PCDH15: variants seen among roughly 807,000 people sequenced by gnomAD.
PCDH15 encodes protocadherin-15.
PCDH15 carries 129 observed loss-of-function variants against 178.5 expected under a neutral mutation model. The observed-to-expected ratio is 0.72, with a 90% CI of 0.63 to 0.84. The LOEUF (loss-of-function observed/expected upper bound fraction) is 0.84, where lower values mean the gene tolerates loss of function less well. PCDH15 is among the 40% of genes least tolerant of loss of function. The pLI is 0.00. For missense variants in PCDH15, 2,230 were observed against 2,099.9 expected (o/e 1.06, Z -1.21); for synonymous variants, 800 against 732.0 (o/e 1.09, Z -1.50).
At chr10:54,661,914 T>A (rs927283833) in intron 2 of PCDH15, among the ~76,000 whole-genome samples, 1 of 151,862 alleles carries the variant, frequency 6.6e-6, no homozygotes, top group African/African-American at 2.4e-5. Flanking sequence ...CTCGATGAAT[T>A]GAAAATTTAA....
upstream of PCDH15, among the ~76,000 whole-genome samples, chr10:54,802,374 T>G (rs1952689957): frequency 6.6e-6 from 1 of 152,206 alleles, no homozygotes; most frequent in Non-Finnish European, 1.5e-5. Flanking sequence ...AAGCCAAATG[T>G]GTTATACATT....
intron 16 of PCDH15, among the ~76,000 whole-genome samples, chr10:54,085,476 G>C (rs2094500906): frequency 6.6e-6 from 1 of 152,216 alleles, no homozygotes; most frequent in Non-Finnish European, 1.5e-5. Flanking sequence ...ATTTATAAGG[G>C]AAGTTGCCAT....
At chr10:54,929,091 T>C (rs1402640490) in intron 2 of PCDH15, among the ~76,000 whole-genome samples, 1 of 152,212 alleles carries the variant, frequency 6.6e-6, no homozygotes, top group Non-Finnish European at 1.5e-5. Flanking sequence ...TTGCTCACCA[T>C]TGAAAGTTTT....
In PCDH15 at chr10:55,246,975, T is replaced by C. The variant is rs143791224; in HGVS notation, c.-156+72624A>G. Among the ~76,000 whole-genome samples the C allele has an allele frequency of 8.1e-3, 1,232 of 152,266 alleles. 8 individuals carry two copies. Among genetic ancestry groups the C allele is most frequent in the Middle Eastern group, 0.017 (5 of 294 alleles). ...TTTTGCTTGATATGTAGGTCTCTGATCCTCTTTTTCTATGTTGATTAACAT... is the reference window on the plus strand; with the variant it reads ...TTTTGCTTGATATGTAGGTCTCTGACCCTCTTTTTCTATGTTGATTAACAT... On this transcript the variant is annotated intron_variant, in intron 1 of 5. Transcript: ENST00000458638.
chr10:55,159,452 A>G (rs1180346482), intron 2 of PCDH15, among the ~76,000 whole-genome samples: 1 of 147,920 alleles, frequency 6.8e-6, no homozygotes, highest in South Asian at 2.1e-4. Context: ...CATACACTAT[A>G]CAAAGATCTC....
At chr10:54,294,835 G>A (rs893429345) in intron 8 of PCDH15, among the ~76,000 whole-genome samples, 1 of 152,100 alleles carries the variant, frequency 6.6e-6, no homozygotes, top group African/African-American at 2.4e-5. Flanking sequence ...TTTGATAAAG[G>A]CATTGTGGTA....
chr10:55,222,730 C>CACACATATAT, intron 1 of PCDH15, among the ~76,000 whole-genome samples: 1 of 121,278 alleles, frequency 8.2e-6, no homozygotes, highest in Non-Finnish European at 1.7e-5. Flanking sequence ...CACACACACA[C>CACACATATAT]ATATATATAT....
intron 2 of PCDH15, among the ~76,000 whole-genome samples, chr10:54,559,856 AAAAAAAAAAAAAAAAAAAGAAAAG>A (rs1438827703): frequency 2.8e-5 from 3 of 107,906 alleles, no homozygotes; most frequent in African/African-American, 9.1e-5. Flanking sequence ...ATAGTAAAAA[AAAAAAAAAAAAAAAAAAAGAAAAG>A]AAAAGGTGGT....
chr10:54,052,684 T>C (rs890525625), intron 18 of PCDH15, among the ~76,000 whole-genome samples: 3 of 152,146 alleles, frequency 2.0e-5, no homozygotes, highest in African/African-American at 4.8e-5. Flanking sequence ...TGGGGGACTG[T>C]TGGAAGGGCA....
chr10:55,464,568 A>T (rs1839787249), intron 2 of PCDH15, among the ~76,000 whole-genome samples: 1 of 151,306 alleles, frequency 6.6e-6, no homozygotes, highest in Non-Finnish European at 1.5e-5. Flanking sequence ...CAACTGAATA[A>T]AGATGTATTC....
At chr10:55,331,420 G>A (rs1436536409) in intron 2 of PCDH15, among the ~76,000 whole-genome samples, 1 of 151,844 alleles carries the variant, frequency 6.6e-6, no homozygotes, top group Non-Finnish European at 1.5e-5. Flanking sequence ...ATATTTTTTA[G>A]TATAGTAATA....
At chr10:54,633,871 A>G (rs1364147754) in intron 2 of PCDH15, among the ~76,000 whole-genome samples, 1 of 152,112 alleles carries the variant, frequency 6.6e-6, no homozygotes, top group Non-Finnish European at 1.5e-5. Flanking sequence ...GAGTTTAGGC[A>G]CATATTAGGA....
chr10:54,584,549 A>G (rs2091310607), intron 2 of PCDH15, among the ~76,000 whole-genome samples: 1 of 152,156 alleles, frequency 6.6e-6, no homozygotes, highest in African/African-American at 2.4e-5. Context: ...GTAATATATT[A>G]TCCACAATAA....
At chr10:55,059,064 C>T (rs996668941) in intron 2 of PCDH15, among the ~76,000 whole-genome samples, 2 of 152,150 alleles carry the variant, frequency 1.3e-5, no homozygotes, top group Non-Finnish European at 2.9e-5. Context: ...CTAATTACTG[C>T]TTTCTGTGAC....
chr10:55,331,899 CATG>C (rs537421762), intron 2 of PCDH15, among the ~76,000 whole-genome samples: 148 of 152,088 alleles, frequency 9.7e-4, no homozygotes, highest in African/African-American at 2.1e-3. Flanking sequence ...GACAGCGTTC[CATG>C]ATAATGGAAA....
chr10:55,457,387 G>A (rs942979094), intron 2 of PCDH15, among the ~76,000 whole-genome samples: 1 of 151,420 alleles, frequency 6.6e-6, no homozygotes, highest in African/African-American at 2.4e-5. Flanking sequence ...GATTTTTTGT[G>A]TACCAGATCA....
chr10:53,856,597 G>A (rs2078760640), intron 28 of PCDH15, among the ~76,000 whole-genome samples: 1 of 152,030 alleles, frequency 6.6e-6, no homozygotes, highest in Non-Finnish European at 1.5e-5. Context: ...ACAAAATCAA[G>A]GTATATATTC....
intron 2 of PCDH15, among the ~76,000 whole-genome samples, chr10:55,137,350 T>C (rs1422112275): frequency 6.6e-6 from 1 of 152,114 alleles, no homozygotes. Flanking sequence ...ATAATCAGTA[T>C]AGTAAAATGC....
chr10:54,528,803 C>A (rs2083614486), intron 2 of PCDH15, among the ~76,000 whole-genome samples: 1 of 151,970 alleles, frequency 6.6e-6, no homozygotes, highest in Admixed American at 6.6e-5. Flanking sequence ...ATTTCAAACA[C>A]TGCTAATATC....
Sources: allele counts gnomAD v4.1 joint callset (sites outside exome capture counted in the v4.1 genomes callset), GRCh38; gene constraint gnomAD v4.1.1; transcripts MANE v1.5; gene names NCBI Gene and HGNC (gene_info 2026-07-23, HGNC 2026-07-21).